Variants in SPAG1 observed in about 807,000 individuals in gnomAD.
SPAG1 encodes the protein sperm associated antigen 1.
Under a neutral mutation model 100.5 loss-of-function variants are expected in SPAG1, and 69 were observed. The observed-to-expected ratio is 0.69, with a 90% CI of 0.57 to 0.84. The LOEUF (loss-of-function observed/expected upper bound fraction) is 0.84, where lower values mean the gene tolerates loss of function less well. Ranked by LOEUF, SPAG1 falls within the 40% of genes least tolerant of loss-of-function variation. The pLI is 0.00. For missense variants in SPAG1, 955 were observed against 1,133.1 expected (o/e 0.84, Z 2.26); for synonymous variants, 336 against 411.6 (o/e 0.82, Z 2.22).
intron 10 of SPAG1, among the ~76,000 whole-genome samples, chr8:100,208,110 G>C (rs150899939): frequency 6.6e-6 from 1 of 152,120 alleles, no homozygotes; most frequent in Non-Finnish European, 1.5e-5. Context: ...GTGACATTAC[G>C]TTCTGCTGGC....
Position 100,240,509 on chromosome 8 carries a change from A to C in SPAG1, c.2387A>C (p.Glu796Ala), listed in dbSNP as rs759608124. 2 of 1,614,208 alleles carry C rather than the reference A, an allele frequency of 1.2e-6. No homozygotes were observed. Among genetic ancestry groups the C allele is most frequent in the Non-Finnish European group, 1.7e-6 (2 of 1,180,032 alleles). The stretch of plus-strand genomic sequence containing the variant: ...AGCAGCAGGTCACCAGAAGACCCTG[A>C]GAAACTTCCGATAGCCAAGCCTAAT... ...GKSSRSPEDP[E>A]KLPIAKPNNA... Residue 796 changes from glutamate (E) to alanine (A), a missense_variant, in exon 18 of 19, where the codon GAG becomes GCG. Coordinates refer to ENST00000388798, the MANE Select transcript of SPAG1 (RefSeq NM_003114.5).
intron 14 of SPAG1, among the ~76,000 whole-genome samples, chr8:100,229,684 A>G (rs76214311): frequency 0.028 from 4,271 of 152,308 alleles, 196 homozygotes; most frequent in African/African-American, 0.096. Context: ...GGTCCTGGAA[A>G]CAGATTCTGA....
intron 14 of SPAG1, among the ~76,000 whole-genome samples, chr8:100,227,250 A>G (rs1473598736): frequency 6.6e-6 from 1 of 152,188 alleles, no homozygotes; most frequent in Non-Finnish European, 1.5e-5. Context: ...TAGTGCCTAC[A>G]TTATTACTTT....
chr8:100,192,424 A>G (rs2514712), intron 9 of SPAG1, among the ~76,000 whole-genome samples: 43,509 of 152,096 alleles, frequency 0.29, 7,777 homozygotes, highest in East Asian at 0.51. Context: ...TACACTGGAG[A>G]GCCAACACAC....
rs772533987 is a variant in SPAG1, at chr8:100,165,833, T to G, written c.160T>G (p.Tyr54Asp). The change falls in exon 3 of 19, where the codon TAT (tyrosine) becomes GAT (aspartate). Residue 54 changes from tyrosine (Y) to aspartate (D), a missense_variant. Physicochemically the swap from Tyr to Asp is radical, Grantham distance 160. Transcript: ENST00000388798. ...CVLRSGEEGY[Y>D]PELTEFCEKH... ...TTTAAGATCTGGTGAGGAAGGATAT[T>G]ATCCTGAACTTACAGAATTTTGTGA... The G allele has an allele frequency of 6.2e-7, 1 of 1,613,146 alleles. No homozygotes were observed. The highest frequency in any genetic ancestry group is 1.1e-5 in the South Asian group (1 of 90,886).
At chr8:100,184,798 A>G in intron 7 of SPAG1, 65 bp downstream of exon 7, 1 of 906,108 alleles carries the variant, frequency 1.1e-6, no homozygotes, top group South Asian at 1.6e-5. Flanking sequence ...TAATTGTTGA[A>G]ACAATATAAA....
chr8:100,235,819 C>T (rs1035457734), intron 16 of SPAG1, among the ~76,000 whole-genome samples: 1 of 152,020 alleles, frequency 6.6e-6, no homozygotes. Context: ...TCCATGTGAC[C>T]CTAACACATG....
Position 100,213,221 on chromosome 8 carries a change from C to T in SPAG1, c.1228C>T (p.Pro410Ser). Residue 410 changes from proline (P) to serine (S), a missense_variant, in exon 11 of 19, where the codon CCG (proline) becomes TCG (serine). Pro to Ser is a moderately conservative substitution (Grantham distance 74). Transcript: ENST00000388798. ...ARGAPQRGQT[P>S]EAGADKRSPR... ...GGGCGCGCCGCAGCGGGGCCAGACC[C>T]CGGAGGCCGGCGCGGACAAGCGGAG... 1 of 1,396,980 alleles carries T rather than the reference C, an allele frequency of 7.2e-7. No individual in the cohort carries two copies. Among genetic ancestry groups the T allele is most frequent in the Non-Finnish European group, 9.3e-7 (1 of 1,077,212 alleles). 86.5% of individuals were successfully genotyped at this position (1,396,980 alleles called of 1,614,324 possible). A position where few individuals can be genotyped will look rare whatever the true frequency, so the allele number is the denominator to read the frequency against.
chr8:100,200,516 C>T (rs1187952319), intron 10 of SPAG1, among the ~76,000 whole-genome samples: 1 of 152,206 alleles, frequency 6.6e-6, no homozygotes, highest in African/African-American at 2.4e-5. Flanking sequence ...CTTGAGGAAT[C>T]GCCACACTGT....
chr8:100,225,712 T>A (rs1008201236), intron 14 of SPAG1, among the ~76,000 whole-genome samples: 2 of 152,164 alleles, frequency 1.3e-5, no homozygotes, highest in African/African-American at 4.8e-5. Context: ...TGACCTCAAA[T>A]GATCTGCCTG....
chr8:100,194,214 G>A lies in SPAG1; in HGVS notation c.1042G>A (p.Glu348Lys), dbSNP rs1060503106. The change falls in exon 10 of 19, where the codon GAA (glutamate) becomes AAA (lysine). Residue 348 changes from glutamate to lysine, a missense_variant. Transcript: ENST00000388798. ...GGTTATTCAGGAAATAGAAAACTCC[G>A]AAGATGAAGAAGGAAAAAGCGGAAG... ...RMVIQEIENS[E>K]DEEGKSGRKH... is the part of the protein sequence containing the mutation. 20 of 1,607,092 alleles carry A rather than the reference G, an allele frequency of 1.2e-5. No homozygotes were observed. The highest frequency in any genetic ancestry group is 2.2e-5 in the East Asian group (1 of 44,768).
chr8:100,240,938 G>A lies in SPAG1; in HGVS notation c.2697G>A (p.Gln899=), dbSNP rs762604041. The change falls in exon 19 of 19, where the codon CAG becomes CAA. Residue 899 remains glutamine (Q), a synonymous_variant. Transcript: ENST00000388798. ...AGGGCCAAAAGGAGCTAATTGAACA[G>A]CTGTTTGAGGACCTTTCGGACACAC... ...ISKGQKELIE[Q]LFEDLSDTPN... 1 of 1,611,736 alleles carries A rather than the reference G, an allele frequency of 6.2e-7. No homozygotes were observed. Among genetic ancestry groups the A allele is most frequent in the Non-Finnish European group, 8.5e-7 (1 of 1,179,484 alleles).
At chr8:100,214,345 G>A (rs1586500124) in intron 12 of SPAG1, among the ~76,000 whole-genome samples, 1 of 152,136 alleles carries the variant, frequency 6.6e-6, no homozygotes, top group East Asian at 1.9e-4. Flanking sequence ...CCTTCCGTTT[G>A]GTCTACTGGA....
At chr8:100,165,668 C>CT in intron 2 of SPAG1, 146 bp from the exon 3 acceptor site, 1 of 603,360 alleles carries the variant, frequency 1.7e-6, no homozygotes, top group Non-Finnish European at 2.9e-6. Flanking sequence ...AAAATGGAGA[C>CT]TATGCGGGTT....
At chr8:100,159,494 TGAAA>T (rs1027823123) in intron 1 of SPAG1, among the ~76,000 whole-genome samples, 5 of 152,228 alleles carry the variant, frequency 3.3e-5, no homozygotes, top group African/African-American at 1.2e-4. Context: ...CCCAGAGGGC[TGAAA>T]GAAATACTTC....
rs1367299728 is a variant in SPAG1 at position 100,183,788 on chromosome 8, T to C, written c.489-168T>C. 2.6e-5 allele frequency among the ~76,000 whole-genome samples: 4 copies of C among 152,202 alleles called. No homozygotes were observed. In the East Asian group the frequency reaches 7.7e-4, roughly 29 times the overall value. On this transcript the variant is annotated intron_variant, in intron 5 of 18. Transcript: ENST00000388798. Reference sequence around the variant, plus strand: ...GATTAACGTTTAAGTTCTCACTAAATTGTATGTTTTCTTAAGAAGGAACTC... The same window carrying C: ...GATTAACGTTTAAGTTCTCACTAAACTGTATGTTTTCTTAAGAAGGAACTC...
chr8:100,194,158 C>T lies in SPAG1; in HGVS notation c.986C>T (p.Ala329Val). The T allele has an allele frequency of 6.3e-7, 1 of 1,599,714 alleles. No homozygotes were observed. Among genetic ancestry groups the T allele is most frequent in the Admixed American group, 1.7e-5 (1 of 57,152 alleles). ...AGAGATCTGAAAAATTCTGAAGCTG[C>T]ATCTGAGACTCAAACCAAAGGGAAA... ...VERDLKNSEA[A>V]SETQTKGKRM... The change falls in exon 10 of 19, where the codon GCA (alanine) becomes GTA (valine). Residue 329 changes from alanine to valine, a missense_variant. Coordinates refer to ENST00000388798, the MANE Select transcript of SPAG1 (RefSeq NM_003114.5).
intron 14 of SPAG1, among the ~76,000 whole-genome samples, chr8:100,226,709 A>C (rs187394914): frequency 2.0e-5 from 3 of 152,160 alleles, no homozygotes; most frequent in Admixed American, 6.6e-5. Context: ...TCTCAAAAAA[A>C]AAAAATTTAA....
intron 16 of SPAG1, among the ~76,000 whole-genome samples, chr8:100,236,367 C>A (rs563887805): frequency 6.6e-6 from 1 of 152,288 alleles, no homozygotes; most frequent in African/African-American, 2.4e-5. Flanking sequence ...TGGTGTTAAA[C>A]CCCTGGCCTC....
Sources: allele counts gnomAD v4.1 joint callset (sites outside exome capture counted in the v4.1 genomes callset), GRCh38; gene constraint gnomAD v4.1.1; transcripts MANE v1.5; gene names NCBI Gene and HGNC (gene_info 2026-07-23, HGNC 2026-07-21).